The following BCL11B variants were observed in gnomAD, a reference collection of about 807,000 sequenced individuals.
The protein encoded by BCL11B is B-cell lymphoma/leukemia 11B.
BCL11B carries 8 observed loss-of-function variants against 49.9 expected under a neutral mutation model. The observed-to-expected ratio is 0.16, with a 90% CI of 0.09 to 0.29. The LOEUF (loss-of-function observed/expected upper bound fraction) is 0.29. Ranked by LOEUF, BCL11B falls within the 10% of genes least tolerant of loss-of-function variation. The pLI is 1.00. For synonymous variants in BCL11B, 739 were observed against 637.4 expected (o/e 1.16, Z -2.40); for missense variants, 1,006 against 1,351.0 (o/e 0.74, Z 4.00).
chr14:99,206,577 C>T (rs776073035), intron 3 of BCL11B, among the ~76,000 whole-genome samples: 1 of 152,202 alleles, frequency 6.6e-6, no homozygotes, highest in Non-Finnish European at 1.5e-5. Flanking sequence ...TCACTAGTAG[C>T]CTCCTTGGGC....
chr14:99,236,751 G>A (rs1888511642), intron 2 of BCL11B, among the ~76,000 whole-genome samples: 1 of 152,142 alleles, frequency 6.6e-6, no homozygotes, highest in Admixed American at 6.5e-5. Context: ...CTGGCCCGGG[G>A]ATCTTCAGGG....
At chr14:99,207,576 C>G (rs547935305) in intron 3 of BCL11B, among the ~76,000 whole-genome samples, 2 of 152,206 alleles carry the variant, frequency 1.3e-5, no homozygotes, top group South Asian at 2.1e-4. Flanking sequence ...TGCTGGGAGC[C>G]GGAGCTAGAG....
intron 3 of BCL11B, among the ~76,000 whole-genome samples, chr14:99,210,259 C>T (rs1292060741): frequency 6.6e-6 from 1 of 152,108 alleles, no homozygotes; most frequent in Non-Finnish European, 1.5e-5. Flanking sequence ...GCATCCTATT[C>T]CTTGCAGAAG....
intron 1 of BCL11B, among the ~76,000 whole-genome samples, chr14:99,265,091 TGGCCTGAGTCAA>T (rs1889443562): frequency 6.6e-6 from 1 of 152,040 alleles, no homozygotes; most frequent in South Asian, 2.1e-4. Flanking sequence ...TCAGGCCAAA[TGGCCTGAGTCAA>T]AAGAGTGCCG....
intron 2 of BCL11B, among the ~76,000 whole-genome samples, chr14:99,244,912 C>A (rs1007106133): frequency 2.0e-5 from 3 of 152,138 alleles, no homozygotes; most frequent in Admixed American, 6.5e-5. Context: ...TACCTTGACT[C>A]TTGTTATAGC....
intron 2 of BCL11B, among the ~76,000 whole-genome samples, chr14:99,245,926 T>C (rs1364754613): frequency 6.6e-6 from 1 of 150,788 alleles, no homozygotes; most frequent in South Asian, 2.1e-4. Context: ...GCTGGGCTGC[T>C]GCTGGGCTGG....
At chr14:99,177,356 C>T (rs909680826) in intron 3 of BCL11B, among the ~76,000 whole-genome samples, 1 of 151,750 alleles carries the variant, frequency 6.6e-6, no homozygotes, top group Non-Finnish European at 1.5e-5. Context: ...GGAGCCAAAA[C>T]GTCATCGTCT....
chr14:99,199,626 G>A (rs1887281778), intron 3 of BCL11B, among the ~76,000 whole-genome samples: 1 of 147,660 alleles, frequency 6.8e-6, no homozygotes, highest in Non-Finnish European at 1.5e-5. Flanking sequence ...ACTTAGCAGG[G>A]TTCTGGCTAA....
At chr14:99,253,467 C>T (rs2139943955) in intron 2 of BCL11B, among the ~76,000 whole-genome samples, 1 of 152,288 alleles carries the variant, frequency 6.6e-6, no homozygotes, top group South Asian at 2.1e-4. Context: ...AAGCCGAGCG[C>T]CAGGAAAAGC....
rs746281008 is a variant in BCL11B, at chr14:99,174,821, T to C, written c.2015A>G (p.Lys672Arg). The change falls in exon 4 of 4, where the codon AAG (lysine) becomes AGG (arginine). Residue 672 changes from lysine to arginine, a missense_variant. Coordinates refer to ENST00000357195, the MANE Select transcript of BCL11B (RefSeq NM_138576.4). ...CCCGGGGCTGGGCAGCGGCGCGGGC[T>C]TGCGCGGGAAGAGCCCGGGGAAGGG... The part of the protein sequence containing the change: ...TEPFPGLFPR[K>R]PAPLPSPGLN... The C allele has an allele frequency of 7.2e-7, 1 of 1,381,226 alleles. No individual in the cohort carries two copies. Among genetic ancestry groups the C allele is most frequent in the Admixed American group, 3.0e-5 (1 of 32,800 alleles). The allele number at this position is 1,381,226 out of a possible 1,614,324, so 85.6% of individuals were successfully genotyped here.
intron 2 of BCL11B, among the ~76,000 whole-genome samples, chr14:99,234,152 G>A (rs886435710): frequency 2.0e-5 from 3 of 152,134 alleles, no homozygotes; most frequent in Admixed American, 2.0e-4. Flanking sequence ...GGGGCTGGGG[G>A]GAGCCAGTAG....
rs1033999345 is a variant in BCL11B, at chr14:99,213,236, G to A, written c.640+18109C>T. 2.0e-5 allele frequency among the ~76,000 whole-genome samples: 3 copies of A among 152,176 alleles called. No individual in the cohort carries two copies. The highest frequency in any genetic ancestry group is 1.3e-4 in the Admixed American group (2 of 15,286). On this transcript the variant is annotated intron_variant, in intron 3 of 3. Transcript: ENST00000357195. This position sits in a 1 kb window ranked among gnomAD's most constrained non-coding sequence, Gnocchi z 5.1. ...CCCCTGGAATGAAGAAGGGAGCCCC[G>A]GAGGCTCGGCCGACCTGGGTGTGCC...
At position 99,271,515 on chromosome 14, in the gene BCL11B, C is replaced by CAAAAAA; in HGVS notation, c.-303_-298dup. 1 of 173,506 alleles carries CAAAAAA rather than the reference C, an allele frequency of 5.8e-6. No individual in the cohort carries two copies. Among genetic ancestry groups the CAAAAAA allele is most frequent in the Non-Finnish European group, 1.2e-5 (1 of 84,754 alleles). The allele number at this position is 173,506 out of a possible 1,614,324, so 10.7% of individuals were successfully genotyped here. ...CTCGATCTAAAATAAGAAAAAGAGG[C>CAAAAAA]AAAAAAAAAAAAAACTGCTGTTGCT... On this transcript the variant is annotated 5_prime_UTR_variant, in exon 1 of 4. Transcript: ENST00000357195.
chr14:99,261,332 C>T (rs954129371), intron 1 of BCL11B, among the ~76,000 whole-genome samples: 3 of 151,988 alleles, frequency 2.0e-5, no homozygotes, highest in Non-Finnish European at 4.4e-5. Context: ...GTGCATGTGT[C>T]CCTCCTTAGA....
chr14:99,169,700 G>T lies in BCL11B; in HGVS notation c.*4451C>A, dbSNP rs1886225526. On this transcript the variant is annotated 3_prime_UTR_variant, in exon 4 of 4. Transcript: ENST00000357195. ...AAACAACTTAAATCAATGGGACTTT[G>T]CTTTGCAGGGCTGAGTTACAAGGAG... 4.5e-6 allele frequency: 1 copy of T among 221,226 alleles called. No individual in the cohort carries two copies. Among genetic ancestry groups the T allele is most frequent in the African/African-American group, 2.2e-5 (1 of 44,644 alleles). 13.7% of individuals were successfully genotyped at this position (221,226 alleles called of 1,614,324 possible). A position where few individuals can be genotyped will look rare whatever the true frequency, so the allele number is the denominator to read the frequency against.
chr14:99,176,380 C>T (rs1015587624), intron 3 of BCL11B, among the ~76,000 whole-genome samples, 185 bp from the exon 4 acceptor site: 1 of 152,094 alleles, frequency 6.6e-6, no homozygotes, highest in South Asian at 2.1e-4. Context: ...GGCTGGGGGG[C>T]CGAAGACGCA....
chr14:99,220,994 G>C (rs925153443), intron 3 of BCL11B, among the ~76,000 whole-genome samples: 2 of 152,014 alleles, frequency 1.3e-5, no homozygotes, highest in African/African-American at 4.8e-5. Flanking sequence ...GGGACTATAG[G>C]CGCCCGCCAC....
chr14:99,219,717 A>G (rs1045180554), intron 3 of BCL11B, among the ~76,000 whole-genome samples: 9 of 152,096 alleles, frequency 5.9e-5, no homozygotes, highest in African/African-American at 2.2e-4. Context: ...AGAAAGAACA[A>G]TGAAAATTGT....
chr14:99,249,349 G>C (rs997152271), intron 2 of BCL11B, among the ~76,000 whole-genome samples: 1 of 152,114 alleles, frequency 6.6e-6, no homozygotes, highest in Non-Finnish European at 1.5e-5. Flanking sequence ...TTTGTTACAT[G>C]GGTAAACGTG....
Sources: allele counts gnomAD v4.1 joint callset (sites outside exome capture counted in the v4.1 genomes callset), GRCh38; gene constraint gnomAD v4.1.1; non-coding constraint Gnocchi (gnomAD v3.1); transcripts MANE v1.5; gene names NCBI Gene and HGNC (gene_info 2026-07-23, HGNC 2026-07-21).